Variants in PIBF1 observed in about 807,000 individuals in gnomAD.
PIBF1 encodes the protein progesterone immunomodulatory binding factor 1.
A neutral mutation model predicts 112.5 loss-of-function variants in PIBF1; 90 were observed. The ratio of observed to expected loss-of-function variants is 0.80; its 90% CI spans 0.67 to 0.95. PIBF1 has a LOEUF of 0.95. PIBF1 is among the 40% of genes least tolerant of loss of function. PIBF1 has a pLI of 0.00. For missense variants in PIBF1, 915 were observed against 852.3 expected (o/e 1.07, Z -0.92); for synonymous variants, 301 against 288.6 (o/e 1.04, Z -0.44).
chr13:72,845,421 T>C (rs2037825440), intron 9 of PIBF1, among the ~76,000 whole-genome samples: 1 of 152,242 alleles, frequency 6.6e-6, no homozygotes. Context: ...ATGCCTTTGC[T>C]ACTATAAATA....
At chr13:72,962,511 A>T (rs2042632646) in intron 14 of PIBF1, among the ~76,000 whole-genome samples, 1 of 151,650 alleles carries the variant, frequency 6.6e-6, no homozygotes, top group African/African-American at 2.4e-5. Context: ...AGGTGGGAGG[A>T]TTACTTGAGC....
At chr13:72,813,951 T>G (rs1042270204) in intron 5 of PIBF1, among the ~76,000 whole-genome samples, 2 of 152,016 alleles carry the variant, frequency 1.3e-5, no homozygotes, top group African/African-American at 4.8e-5. Context: ...TCGGCAGAGC[T>G]CGGCCTATAA....
At chr13:72,955,430 C>T (rs551938826) in intron 14 of PIBF1, among the ~76,000 whole-genome samples, 1 of 151,924 alleles carries the variant, frequency 6.6e-6, no homozygotes, top group Non-Finnish European at 1.5e-5. Flanking sequence ...CCAACCACCA[C>T]TGAAGTGGGA....
chr13:72,952,035 C>CTTTTTTTTTTTTTTTTTTTT (rs67211238), intron 14 of PIBF1, among the ~76,000 whole-genome samples: 2 of 123,002 alleles, frequency 1.6e-5, no homozygotes, highest in Non-Finnish European at 3.4e-5. Context: ...TTTCTTTTCT[C>CTTTTTTTTTTTTTTTTTTTT]TTTTTTTTTT....
chr13:72,873,017 T>C (rs1229807981), intron 10 of PIBF1, among the ~76,000 whole-genome samples: 5 of 152,196 alleles, frequency 3.3e-5, no homozygotes, highest in African/African-American at 1.2e-4. Context: ...TGTCAAATTT[T>C]CCCAAACCGA....
At chr13:72,979,031 C>CA (rs1477062275) in intron 16 of PIBF1, among the ~76,000 whole-genome samples, 2 of 152,166 alleles carry the variant, frequency 1.3e-5, no homozygotes, top group African/African-American at 2.4e-5. Context: ...CTCATCTTCA[C>CA]AAAAAAATCA....
chr13:72,905,500 A>C (rs1406399139), intron 11 of PIBF1, among the ~76,000 whole-genome samples: 1 of 152,222 alleles, frequency 6.6e-6, no homozygotes, highest in Non-Finnish European at 1.5e-5. Context: ...AGTGAAAAAC[A>C]TAAAAATATA....
chr13:72,875,466 G>T lies in PIBF1; in HGVS notation c.1323-18318G>T, dbSNP rs1195438405. Among the ~76,000 whole-genome samples, 3 of 151,832 alleles carry T rather than the reference G, an allele frequency of 2.0e-5. 1 individual carries two copies. The highest frequency in any genetic ancestry group is 4.4e-5 in the Non-Finnish European group (3 of 67,932). The stretch of plus-strand genomic sequence containing the variant: ...AGTGCTTAGTTTTGTAAGAAACCAC[G>T]AAATGTGTCAGTGTAGTGTGGGGGA... On this transcript the variant is annotated intron_variant, in intron 10 of 17. Coordinates refer to ENST00000326291, the MANE Select transcript of PIBF1 (RefSeq NM_006346.4).
chr13:72,960,461 T>A (rs1410504542), intron 14 of PIBF1, among the ~76,000 whole-genome samples: 1 of 152,156 alleles, frequency 6.6e-6, no homozygotes. Context: ...CATGAAAAAA[T>A]TGAACTAAAA....
At chr13:72,934,447 G>T (rs529082275) in intron 14 of PIBF1, among the ~76,000 whole-genome samples, 1 of 152,018 alleles carries the variant, frequency 6.6e-6, no homozygotes, top group African/African-American at 2.4e-5. Flanking sequence ...ACAGGTGCAC[G>T]CCACCACGCT....
At chr13:72,990,366 C>G (rs919957990) in intron 16 of PIBF1, among the ~76,000 whole-genome samples, 19 of 146,226 alleles carry the variant, frequency 1.3e-4, no homozygotes, top group Admixed American at 1.0e-3. Context: ...ACTAAAAATA[C>G]AAAAATTAGC....
rs1555316970 is a variant in PIBF1 at position 72,928,028 on chromosome 13, T to TATATATAC, written c.1731-3130_1731-3129insCATATATA. On this transcript the variant is annotated intron_variant, in intron 13 of 17. Transcript: ENST00000326291. ...ATACATATATATACATATATATACA[T>TATATATAC]ATATATATATATATATACATATATA... 7.6e-3 allele frequency among the ~76,000 whole-genome samples: 445 copies of TATATATAC among 58,814 alleles called. 13 individuals are homozygous for TATATATAC. Among genetic ancestry groups the TATATATAC allele is most frequent in the East Asian group, 0.052 (121 of 2,330 alleles). 38.6% of individuals were successfully genotyped at this position (58,814 alleles called of 152,430 possible).
intron 14 of PIBF1, among the ~76,000 whole-genome samples, chr13:72,932,695 A>G (rs1053988310): frequency 6.6e-6 from 1 of 152,272 alleles, no homozygotes; most frequent in Non-Finnish European, 1.5e-5. Flanking sequence ...TACAACAGAC[A>G]TAGGTAAACT....
chr13:72,930,554 A>G (rs933974365), intron 13 of PIBF1, among the ~76,000 whole-genome samples: 1 of 152,232 alleles, frequency 6.6e-6, no homozygotes, highest in Non-Finnish European at 1.5e-5. Context: ...AATTTTAAAT[A>G]CTAAAGGTCA....
rs560108788 is a variant in PIBF1, at chr13:72,908,632, T to C, written c.1590T>C (p.Tyr530=). 2.0e-5 allele frequency: 33 copies of C among 1,613,424 alleles called. No homozygotes were observed. The South Asian group carries it at 3.6e-4, about 18-fold the overall frequency. Residue 530 remains tyrosine (Y), a synonymous_variant, in exon 12 of 18, where the codon TAT becomes TAC. Transcript: ENST00000326291. ...NSEHQARLDI[Y]EKLEKELDEI... is the part of the protein sequence containing the mutation. ...AGCATCAAGCAAGGCTAGACATTTA[T>C]GAGAAACTGGAAAAAGAGCTTGATG...
chr13:72,837,117 A>G (rs556617860), intron 9 of PIBF1, among the ~76,000 whole-genome samples: 1 of 152,096 alleles, frequency 6.6e-6, no homozygotes, highest in Non-Finnish European at 1.5e-5. Flanking sequence ...ATTCAGTACT[A>G]TCTTAGCAGT....
At chr13:73,004,190 G>A (rs574097093) in intron 17 of PIBF1, among the ~76,000 whole-genome samples, 2 of 152,144 alleles carry the variant, frequency 1.3e-5, no homozygotes, top group East Asian at 3.9e-4. Flanking sequence ...AATTCCAAGA[G>A]CAAAGAAAAT....
chr13:72,868,657 G>C (rs4885048), intron 10 of PIBF1, among the ~76,000 whole-genome samples: 2 of 151,680 alleles, frequency 1.3e-5, no homozygotes, highest in Non-Finnish European at 2.9e-5. Context: ...TTGGTATCCA[G>C]TATAACCAAT....
intron 14 of PIBF1, among the ~76,000 whole-genome samples, chr13:72,940,987 G>T (rs1279050857): frequency 6.6e-6 from 1 of 152,136 alleles, no homozygotes; most frequent in Non-Finnish European, 1.5e-5. Context: ...TTCTTCAGTA[G>T]TCTCCCATAT....
Sources: gnomAD v4.1 joint callset for allele counts (sites outside exome capture counted in the v4.1 genomes callset) on GRCh38, gnomAD v4.1.1 for gene constraint, MANE v1.5 for transcripts, NCBI Gene and HGNC (gene_info 2026-07-23, HGNC 2026-07-21) for gene names.